CYP7B1: variants seen among roughly 807,000 people sequenced by gnomAD.
CYP7B1 encodes the protein cytochrome P450 7B1.
A neutral mutation model predicts 42.7 loss-of-function variants in CYP7B1; 29 were observed. The ratio of observed to expected loss-of-function variants is 0.68; its 90% CI spans 0.51 to 0.93. The LOEUF (loss-of-function observed/expected upper bound fraction) is 0.93. CYP7B1 is among the 40% of genes least tolerant of loss of function. The probability of loss-of-function intolerance (pLI) is 0.00; values close to 1 mark genes in which losing one functional copy is unlikely to be tolerated. For synonymous variants in CYP7B1, 235 were observed against 218.2 expected (o/e 1.08, Z -0.68); for missense variants, 655 against 600.5 (o/e 1.09, Z -0.95).
chr8:64,713,116 A>G (rs565950208), intron 1 of CYP7B1, among the ~76,000 whole-genome samples: 2 of 152,314 alleles, frequency 1.3e-5, no homozygotes, highest in South Asian at 4.1e-4. Flanking sequence ...TGAAAAGTTA[A>G]TAAGTAGCAT....
chr8:64,736,482 G>A (rs936446231), intron 1 of CYP7B1, among the ~76,000 whole-genome samples: 1 of 152,082 alleles, frequency 6.6e-6, no homozygotes, highest in African/African-American at 2.4e-5. Flanking sequence ...ACAGACTTTT[G>A]CTCTGTTGCC....
At chr8:64,643,014 A>G (rs925068274) in intron 1 of CYP7B1, among the ~76,000 whole-genome samples, 3 of 151,542 alleles carry the variant, frequency 2.0e-5, no homozygotes, top group African/African-American at 7.3e-5. Flanking sequence ...ACTGTCTCTC[A>G]TATGGCCATA....
chr8:64,658,857 G>A (rs963964068), intron 1 of CYP7B1, among the ~76,000 whole-genome samples: 6 of 152,022 alleles, frequency 3.9e-5, no homozygotes, highest in Admixed American at 2.0e-4. Flanking sequence ...ATCTTTCTTC[G>A]TCAATTCCCT....
intron 4 of CYP7B1, among the ~76,000 whole-genome samples, chr8:64,614,252 C>T (rs1181785420): frequency 1.3e-4 from 19 of 151,996 alleles, no homozygotes; most frequent in South Asian, 1.2e-3. Context: ...AAATCTGCTG[C>T]GATTAAAAGC....
At chr8:64,689,573 G>T (rs911660951) in intron 1 of CYP7B1, among the ~76,000 whole-genome samples, 8 of 146,858 alleles carry the variant, frequency 5.4e-5, no homozygotes, top group African/African-American at 2.0e-4. Flanking sequence ...TTTGATTCCA[G>T]TTTTTTTTTT....
At chr8:64,755,967 G>A (rs983123787) in intron 1 of CYP7B1, among the ~76,000 whole-genome samples, 1 of 152,098 alleles carries the variant, frequency 6.6e-6, no homozygotes, top group Non-Finnish European at 1.5e-5. Context: ...AGAAAAAGAG[G>A]TACAGGTGGT....
At chr8:64,615,364 C>G in intron 3 of CYP7B1, 132 bp from the exon 4 acceptor site, 1 of 867,364 alleles carries the variant, frequency 1.2e-6, no homozygotes, top group South Asian at 1.4e-5. Flanking sequence ...AACCAATAGG[C>G]TTCTGAAGTC....
chr8:64,642,238 A>ACT (rs1275630576), intron 1 of CYP7B1, among the ~76,000 whole-genome samples: 5 of 151,644 alleles, frequency 3.3e-5, no homozygotes, highest in African/African-American at 1.2e-4. Flanking sequence ...TGTGTATTGT[A>ACT]CTCTATTTCC....
At chr8:64,604,940 T>G (rs1016287510) in intron 4 of CYP7B1, 83 bp from the exon 5 acceptor site, 1 of 1,406,426 alleles carries the variant, frequency 7.1e-7, no homozygotes, top group African/African-American at 1.4e-5. Context: ...AACTCATTAC[T>G]AATAGCCTTG....
At chr8:64,771,644 T>G (rs1252857949) in intron 1 of CYP7B1, among the ~76,000 whole-genome samples, 1 of 152,194 alleles carries the variant, frequency 6.6e-6, no homozygotes, top group African/African-American at 2.4e-5. Flanking sequence ...TCCCTCCACC[T>G]ATTCTGAGTC....
intron 1 of CYP7B1, among the ~76,000 whole-genome samples, chr8:64,697,729 C>T (rs1806850885): frequency 6.6e-6 from 1 of 152,182 alleles, no homozygotes; most frequent in East Asian, 1.9e-4. Context: ...GACTATGTAG[C>T]ATCCCCAAAC....
chr8:64,746,257 T>C (rs1585891221), intron 1 of CYP7B1, among the ~76,000 whole-genome samples: 1 of 152,168 alleles, frequency 6.6e-6, no homozygotes, highest in East Asian at 1.9e-4. Flanking sequence ...ATAGCTTAAG[T>C]CCCCAAGCAT....
At chr8:64,690,743 C>G (rs1563392860) in intron 1 of CYP7B1, among the ~76,000 whole-genome samples, 1 of 152,182 alleles carries the variant, frequency 6.6e-6, no homozygotes, top group Non-Finnish European at 1.5e-5. Flanking sequence ...AAAGCATTTT[C>G]CAAGGCAGGC....
At chr8:64,701,213 G>A (rs933464400) in intron 1 of CYP7B1, among the ~76,000 whole-genome samples, 12 of 151,980 alleles carry the variant, frequency 7.9e-5, no homozygotes, top group Admixed American at 2.6e-4. Flanking sequence ...TTTTGAAAAC[G>A]TCGAGGCATG....
intron 1 of CYP7B1, among the ~76,000 whole-genome samples, chr8:64,675,121 C>T (rs1430886393): frequency 6.6e-6 from 1 of 152,058 alleles, no homozygotes; most frequent in Non-Finnish European, 1.5e-5. Context: ...TACACTTGGC[C>T]CTCCTGATAT....
chr8:64,760,655 A>C (rs1193683966), intron 1 of CYP7B1, among the ~76,000 whole-genome samples: 1 of 152,098 alleles, frequency 6.6e-6, no homozygotes, highest in Non-Finnish European at 1.5e-5. Flanking sequence ...ATGAGATATC[A>C]CCTCACACTT....
chr8:64,586,846 T>C (rs1202949380), downstream of CYP7B1, among the ~76,000 whole-genome samples: 2 of 152,230 alleles, frequency 1.3e-5, no homozygotes, highest in Admixed American at 1.3e-4. Context: ...CATATACAAC[T>C]TGAAAGTCTC....
intron 1 of CYP7B1, among the ~76,000 whole-genome samples, chr8:64,774,574 T>G (rs1448250326): frequency 6.6e-6 from 1 of 152,108 alleles, no homozygotes; most frequent in Non-Finnish European, 1.5e-5. Context: ...TTGAATTTGT[T>G]AAGCAACCTT....
chr8:64,629,373 C>A (rs545181566), intron 1 of CYP7B1, among the ~76,000 whole-genome samples: 1 of 152,044 alleles, frequency 6.6e-6, no homozygotes, highest in Non-Finnish European at 1.5e-5. Flanking sequence ...GGTGAGCAAC[C>A]TTTATACATG....
Sources: allele counts gnomAD v4.1 joint callset (sites outside exome capture counted in the v4.1 genomes callset), GRCh38; gene constraint gnomAD v4.1.1; transcripts MANE v1.5; gene names NCBI Gene and HGNC (gene_info 2026-07-23, HGNC 2026-07-21).